CDH12: variants seen among roughly 807,000 people sequenced by gnomAD.
CDH12 encodes the protein cadherin 12.
CDH12 carries 41 observed loss-of-function variants against 74.1 expected under a neutral mutation model. The ratio of observed to expected loss-of-function variants is 0.55; its 90% CI spans 0.43 to 0.72. The LOEUF is 0.72. CDH12 is among the 30% of genes least tolerant of loss of function. CDH12 has a pLI of 0.00. For synonymous variants in CDH12, 399 were observed against 355.0 expected (o/e 1.12, Z -1.39); for missense variants, 945 against 977.2 (o/e 0.97, Z 0.44).
chr5:22,716,103 C>T (rs891243734), intron 1 of CDH12, among the ~76,000 whole-genome samples: 8 of 152,200 alleles, frequency 5.3e-5, no homozygotes, highest in Non-Finnish European at 8.8e-5. Flanking sequence ...TGCCACTGCC[C>T]TCCAGCCTGG....
chr5:22,416,060 C>CTTTTTT (rs58606764), intron 2 of CDH12, among the ~76,000 whole-genome samples: 9 of 65,150 alleles, frequency 1.4e-4, no homozygotes, highest in Non-Finnish European at 2.0e-4. Flanking sequence ...ACTTGTAGGT[C>CTTTTTT]TTTTTTTTTT....
chr5:22,409,826 G>C (rs1743103337), intron 2 of CDH12, among the ~76,000 whole-genome samples: 3 of 152,020 alleles, frequency 2.0e-5, no homozygotes, highest in Non-Finnish European at 2.9e-5. Flanking sequence ...GCCTGAGCAT[G>C]GTGTTAATAA....
At chr5:22,526,583 C>T (rs906575810) in intron 1 of CDH12, among the ~76,000 whole-genome samples, 13 of 152,210 alleles carry the variant, frequency 8.5e-5, no homozygotes, top group Middle Eastern at 3.4e-3. Context: ...ACATCTGGTG[C>T]GGCAGCTGCA....
intron 1 of CDH12, among the ~76,000 whole-genome samples, chr5:22,713,666 GTAGA>G (rs747057280): frequency 2.0e-5 from 3 of 151,932 alleles, no homozygotes; most frequent in East Asian, 3.9e-4. Context: ...TAATAAATAG[GTAGA>G]TAGATACATA....
At chr5:21,911,641 C>T (rs983821777) in intron 6 of CDH12, among the ~76,000 whole-genome samples, 21 of 151,784 alleles carry the variant, frequency 1.4e-4, no homozygotes, top group African/African-American at 3.1e-4. Context: ...TAAGGATGCA[C>T]GACATTTTAA....
intron 3 of CDH12, among the ~76,000 whole-genome samples, chr5:22,273,014 T>C (rs190609167): frequency 5.3e-5 from 8 of 152,262 alleles, no homozygotes; most frequent in Admixed American, 2.0e-4. Flanking sequence ...TCAACTCTTG[T>C]GTGACTCACT....
chr5:21,992,960 A>G (rs1274709476), intron 5 of CDH12, among the ~76,000 whole-genome samples: 3 of 152,282 alleles, frequency 2.0e-5, no homozygotes, highest in East Asian at 3.9e-4. Context: ...CACATCTTAC[A>G]TGGCGGCAGG....
At chr5:22,587,921 T>C (rs1012145448) in intron 1 of CDH12, among the ~76,000 whole-genome samples, 19 of 148,322 alleles carry the variant, frequency 1.3e-4, no homozygotes, top group Admixed American at 6.8e-4. Context: ...ATATATAATA[T>C]ATATAGATTT....
At chr5:22,606,584 G>A (rs956999248) in intron 1 of CDH12, among the ~76,000 whole-genome samples, 7 of 152,110 alleles carry the variant, frequency 4.6e-5, no homozygotes, top group South Asian at 2.1e-4. Flanking sequence ...CTGTGAAGAG[G>A]TGCCTTCTGT....
intron 1 of CDH12, among the ~76,000 whole-genome samples, chr5:22,533,059 T>A (rs888762695): frequency 1.3e-5 from 2 of 152,240 alleles, no homozygotes; most frequent in South Asian, 4.1e-4. Flanking sequence ...AGAAAATAGA[T>A]GTTCCCAGGT....
intron 6 of CDH12, among the ~76,000 whole-genome samples, chr5:21,931,294 C>T (rs1200531874): frequency 2.0e-5 from 3 of 152,108 alleles, no homozygotes; most frequent in Non-Finnish European, 4.4e-5. Context: ...TAGAACATTT[C>T]CTCACACTGG....
At chr5:22,062,538 C>T (rs549099107) in intron 5 of CDH12, among the ~76,000 whole-genome samples, 134 of 152,160 alleles carry the variant, frequency 8.8e-4, no homozygotes, top group Non-Finnish European at 1.7e-3. Flanking sequence ...ATTGTTCCTT[C>T]CACTGTTTTG....
chr5:22,808,493 T>C (rs187343255), intron 1 of CDH12, among the ~76,000 whole-genome samples: 137 of 152,242 alleles, frequency 9.0e-4, no homozygotes, highest in Non-Finnish European at 1.7e-3. Flanking sequence ...TGGCCTGTTT[T>C]AGTATAGATT....
At chr5:22,277,611 T>A (rs1736689738) in intron 3 of CDH12, among the ~76,000 whole-genome samples, 1 of 151,060 alleles carries the variant, frequency 6.6e-6, no homozygotes, top group African/African-American at 2.4e-5. Flanking sequence ...AGAAGGGGGA[T>A]CACCTGAGGT....
intron 1 of CDH12, among the ~76,000 whole-genome samples, chr5:22,742,047 G>T (rs947371460): frequency 6.6e-6 from 1 of 152,076 alleles, no homozygotes; most frequent in Non-Finnish European, 1.5e-5. Context: ...TGGGCATGAT[G>T]GCAGGTGCCT....
chr5:22,359,850 A>C (rs1016748970), intron 3 of CDH12, among the ~76,000 whole-genome samples: 1 of 152,220 alleles, frequency 6.6e-6, no homozygotes, highest in Non-Finnish European at 1.5e-5. Context: ...TAACGAAATG[A>C]AGGCAGTAAT....
intron 3 of CDH12, among the ~76,000 whole-genome samples, chr5:22,373,850 A>G (rs1741402894): frequency 6.6e-6 from 1 of 152,248 alleles, no homozygotes; most frequent in Non-Finnish European, 1.5e-5. Context: ...ACAGATGTGC[A>G]GACATCAATG....
At chr5:22,314,548 T>G (rs957186456) in intron 3 of CDH12, among the ~76,000 whole-genome samples, 8 of 152,130 alleles carry the variant, frequency 5.3e-5, no homozygotes, top group Admixed American at 2.6e-4. Context: ...GAAAATACAT[T>G]TCTGTTATTG....
intron 6 of CDH12, chr5:21,882,567 C>T: frequency 1.4e-6 from 2 of 1,458,980 alleles, no homozygotes; most frequent in Non-Finnish European, 1.9e-6. Flanking sequence ...GCGCGCATGC[C>T]CTGCAGCCGC....
Sources: gnomAD v4.1 joint callset for allele counts (sites outside exome capture counted in the v4.1 genomes callset) on GRCh38, gnomAD v4.1.1 for gene constraint, MANE v1.5 for transcripts, NCBI Gene and HGNC (gene_info 2026-07-23, HGNC 2026-07-21) for gene names.